CATSPERD: variants seen among roughly 807,000 people sequenced by gnomAD.
CATSPERD encodes the protein cation channel sperm-associated auxiliary subunit delta.
CATSPERD carries 86 observed loss-of-function variants against 98.1 expected under a neutral mutation model. That is an observed-to-expected ratio of 0.88 (90% CI 0.74 to 1.05). The LOEUF (loss-of-function observed/expected upper bound fraction) is 1.05. Among genes scored for constraint, CATSPERD ranks in the 50% least tolerant of loss-of-function variants. CATSPERD has a pLI of 0.00. For missense variants in CATSPERD, 995 were observed against 1,005.7 expected, an observed-to-expected ratio of 0.99 and a Z score of 0.14; for synonymous variants, 394 against 390.2, an observed-to-expected ratio of 1.01 and a Z score of -0.12.
intron 8 of CATSPERD, among the ~76,000 whole-genome samples, chr19:5,745,676 A>G (rs1440211787): frequency 6.6e-6 from 1 of 152,216 alleles, no homozygotes; most frequent in Admixed American, 6.5e-5. Flanking sequence ...TGCATTTGAC[A>G]CTTAGAGTAA....
At chr19:5,760,302 G>A (rs1007137852) in intron 15 of CATSPERD, among the ~76,000 whole-genome samples, 13 of 151,576 alleles carry the variant, frequency 8.6e-5, no homozygotes, top group Admixed American at 3.3e-4. Flanking sequence ...GGGAGGCTGA[G>A]GCAGGAGAAT....
At chr19:5,733,646 G>A (rs1411886957) in intron 4 of CATSPERD, among the ~76,000 whole-genome samples, 3 of 151,164 alleles carry the variant, frequency 2.0e-5, no homozygotes, top group African/African-American at 4.9e-5. Context: ...TAGTAGAGAC[G>A]GGGTTTCACT....
intron 20 of CATSPERD, 28 bp from the exon 21 acceptor site, chr19:5,776,133 C>T: frequency 6.2e-7 from 1 of 1,610,534 alleles, no homozygotes; most frequent in Non-Finnish European, 8.5e-7. Context: ...GTCCCTAGGG[C>T]CAGTGGGCAT....
chr19:5,775,128 G>T, intron 20 of CATSPERD: 2 of 378,698 alleles, frequency 5.3e-6, no homozygotes, highest in Non-Finnish European at 1.1e-5. Context: ...GACTGCCACG[G>T]TTACTACTTG....
In CATSPERD at chr19:5,733,881, C is replaced by T. The variant is rs1355730634; in HGVS notation, c.302C>T (p.Ala101Val). Residue 101 changes from alanine (A) to valine (V), a missense_variant, in exon 5 of 22, where the codon GCA (alanine) becomes GTA (valine). Coordinates refer to ENST00000381624, the MANE Select transcript of CATSPERD (RefSeq NM_152784.4). The part of the protein sequence containing the change: ...MQVGVPEVTS[A>V]HFAGSLLLLV... ...GTCGGCGTACCAGAAGTGACATCAG[C>T]ACATTTTGCTGGTTCGTTATTGCTG... 6.2e-7 allele frequency: 1 copy of T among 1,612,380 alleles called. No homozygotes were observed.
intron 5 of CATSPERD, among the ~76,000 whole-genome samples, chr19:5,734,301 G>A (rs1317301587): frequency 3.3e-5 from 5 of 152,168 alleles, no homozygotes; most frequent in Admixed American, 1.3e-4. Flanking sequence ...TCAGGAGTTC[G>A]AGACCAGCCT....
intron 4 of CATSPERD, among the ~76,000 whole-genome samples, 177 bp downstream of exon 4, chr19:5,730,121 G>T (rs1279350411): frequency 6.6e-6 from 1 of 152,032 alleles, no homozygotes; most frequent in African/African-American, 2.4e-5. Flanking sequence ...GTTTTATTCT[G>T]CCCCTACTAC....
chr19:5,736,987 G>A (rs1023799107), intron 5 of CATSPERD, 151 bp from the exon 6 acceptor site: 3 of 481,976 alleles, frequency 6.2e-6, no homozygotes, highest in Admixed American at 3.3e-5. Flanking sequence ...AACCCGGGAG[G>A]TGGAGCTTGC....
intron 6 of CATSPERD, among the ~76,000 whole-genome samples, chr19:5,738,924 C>A (rs1324766689): frequency 6.6e-6 from 1 of 151,564 alleles, no homozygotes. Context: ...GACAGGGTTT[C>A]ATTATGTTGG....
chr19:5,765,329 A>G (rs1270725863), intron 16 of CATSPERD, among the ~76,000 whole-genome samples: 1 of 152,148 alleles, frequency 6.6e-6, no homozygotes, highest in Non-Finnish European at 1.5e-5. Flanking sequence ...GCATGTCCCT[A>G]AGGCTGTAGA....
Position 5,744,498 on chromosome 19 carries a change from G to T in CATSPERD, c.645G>T (p.Val215=), listed in dbSNP as rs754199388. 3 of 1,611,650 alleles carry T rather than the reference G, an allele frequency of 1.9e-6. No homozygotes were observed. Among genetic ancestry groups the T allele is most frequent in the South Asian group, 1.1e-5 (1 of 90,960 alleles). ...TGTCACAGGTTGCGATGCTTGTAGT[G>T]AATCAAGGGAAGGTAAGTAACTGCA... ...FSLSQVAMLV[V]NQGKGMFKYS... The change falls in exon 8 of 22, where the codon GTG becomes GTT. Residue 215 remains valine (V), a synonymous_variant. Transcript: ENST00000381624.
rs561343007 is a variant in CATSPERD at position 5,739,157 on chromosome 19, A to G, written c.460-169A>G. On this transcript the variant is annotated intron_variant, in intron 6 of 21. Coordinates refer to ENST00000381624, the MANE Select transcript of CATSPERD (RefSeq NM_152784.4). ...TGGGATTACAGGCGTGAGCCACCGC[A>G]CCTGGCGTGTATCCACTTTTTGGCT... Among the ~76,000 whole-genome samples the G allele has an allele frequency of 1.8e-4, 28 of 152,144 alleles. No individual in the cohort carries two copies. The South Asian group carries it at 5.8e-3, about 32-fold the overall frequency.
intron 5 of CATSPERD, among the ~76,000 whole-genome samples, chr19:5,734,175 A>G (rs1256887382): frequency 6.6e-6 from 1 of 152,172 alleles, no homozygotes; most frequent in Non-Finnish European, 1.5e-5. Context: ...TTGTAGTCAC[A>G]AGCCACAAAA....
chr19:5,773,827 C>T (rs1253880945), intron 20 of CATSPERD, among the ~76,000 whole-genome samples: 1 of 151,472 alleles, frequency 6.6e-6, no homozygotes, highest in Non-Finnish European at 1.5e-5. Flanking sequence ...GTATTTCTAT[C>T]ATACGAGTGA....
chr19:5,744,726 G>A (rs1040391274), intron 8 of CATSPERD, among the ~76,000 whole-genome samples: 6 of 151,622 alleles, frequency 4.0e-5, no homozygotes, highest in Non-Finnish European at 7.4e-5. Context: ...TCAGCCTCCC[G>A]AGTAGCTGGG....
In CATSPERD at chr19:5,754,225, G is replaced by A; in HGVS notation, c.1258G>A (p.Gly420Ser). 6.2e-7 allele frequency: 1 copy of A among 1,613,212 alleles called. No homozygotes were observed. The highest frequency in any genetic ancestry group is 8.5e-7 in the Non-Finnish European group (1 of 1,179,276). Residue 420 changes from glycine to serine, a missense_variant, in exon 13 of 22, where the codon GGC (glycine) becomes AGC (serine). Around this residue, in one of 3 missense-constraint regions of CATSPERD, gnomAD observed 762 missense variants for 773.7 expected, o/e 0.98. Transcript: ENST00000381624. ...ELTASLIPQP[G>S]TSLIPLVMVS... ...GACTGCTTCGTTGATACCCCAGCCA[G>A]GCACATCCCTGATTCCTCTGGTAAG...
At chr19:5,758,025 A>G (rs2056360065) in intron 14 of CATSPERD, 93 bp downstream of exon 14, 4 of 1,089,796 alleles carry the variant, frequency 3.7e-6, no homozygotes, top group Non-Finnish European at 5.3e-6. Context: ...AGGAGTTTCC[A>G]GGGTACATAG....
intron 7 of CATSPERD, among the ~76,000 whole-genome samples, chr19:5,743,667 CCT>C (rs1044844505): frequency 3.9e-5 from 5 of 129,100 alleles, no homozygotes; most frequent in Non-Finnish European, 6.7e-5. Flanking sequence ...TCTCTCTCTT[CCT>C]CTCTCTCTCT....
intron 1 of CATSPERD, among the ~76,000 whole-genome samples, chr19:5,722,976 C>T (rs1383027241): frequency 6.6e-6 from 1 of 151,898 alleles, no homozygotes; most frequent in African/African-American, 2.4e-5. Flanking sequence ...ATCACGAGGT[C>T]AGGAGATCGA....
Sources: gnomAD v4.1 joint callset for allele counts (sites outside exome capture counted in the v4.1 genomes callset) on GRCh38, gnomAD v4.1.1 for gene constraint, gnomAD v4.1.1 regional missense constraint, MANE v1.5 for transcripts, NCBI Gene and HGNC (gene_info 2026-07-23, HGNC 2026-07-21) for gene names.